WWOX: variants seen among roughly 807,000 people sequenced by gnomAD.
WWOX encodes the protein WW domain containing oxidoreductase, also known as WW domain-containing oxidoreductase.
Under a neutral mutation model 46.2 loss-of-function variants are expected in WWOX, and 69 were observed. The observed-to-expected ratio is 1.49, with a 90% confidence interval of 1.23 to 1.82. The LOEUF is 1.82. Among genes scored for constraint, WWOX ranks in the 40% most tolerant of loss-of-function variants. The pLI, the probability that WWOX is intolerant of heterozygous loss-of-function variation, is 0.00. For synonymous variants in WWOX, 359 were observed against 202.6 expected (o/e 1.77, Z -6.56); for missense variants, 919 against 542.6 (o/e 1.69, Z -6.89).
At chr16:78,544,151 C>T (rs2043965642) in intron 8 of WWOX, among the ~76,000 whole-genome samples, 1 of 152,096 alleles carries the variant, frequency 6.6e-6, no homozygotes, top group Non-Finnish European at 1.5e-5. Flanking sequence ...AGCATAATCT[C>T]TTAATATTCA....
chr16:78,425,290 C>T (rs1488824737), intron 7 of WWOX, among the ~76,000 whole-genome samples: 1 of 152,106 alleles, frequency 6.6e-6, no homozygotes, highest in African/African-American at 2.4e-5. Context: ...ACTTCAAGCT[C>T]CTCATTGATT....
chr16:78,153,271 G>C (rs1314014009), intron 4 of WWOX, among the ~76,000 whole-genome samples: 3 of 152,172 alleles, frequency 2.0e-5, no homozygotes, highest in Non-Finnish European at 4.4e-5. Context: ...ACTTCATCTG[G>C]AAATGCCTGT....
chr16:78,234,387 GT>G (rs2037368980), intron 5 of WWOX, among the ~76,000 whole-genome samples: 1 of 152,046 alleles, frequency 6.6e-6, no homozygotes, highest in African/African-American at 2.4e-5. Context: ...ATACTTGAGG[GT>G]CATGAGAAGT....
intron 6 of WWOX, among the ~76,000 whole-genome samples, chr16:78,417,326 C>T (rs912115289): frequency 6.6e-6 from 1 of 151,926 alleles, no homozygotes; most frequent in African/African-American, 2.4e-5. Flanking sequence ...CCCCTGAGTC[C>T]AAAAGATGCT....
chr16:78,418,369 GAAA>G (rs60427100), intron 6 of WWOX, among the ~76,000 whole-genome samples: 119 of 127,634 alleles, frequency 9.3e-4, no homozygotes, highest in Admixed American at 1.6e-3. Context: ...CTCCATCTCA[GAAA>G]AAAAAAAAAA....
rs78263811 is a variant in WWOX at position 78,959,940 on chromosome 16, G to A, written c.1057-251668G>A. Among the ~76,000 whole-genome samples the A allele has an allele frequency of 4.9e-3, 750 of 152,304 alleles. 10 individuals are homozygous for A. The highest frequency in any genetic ancestry group is 0.017 in the African/African-American group (705 of 41,560). The stretch of plus-strand genomic sequence containing the variant: ...TAGATGACCTAAGTAATTCTCATTT[G>A]CAACCAAGGTTGAGAATAAAGGGTG... On this transcript the variant is annotated intron_variant, in intron 8 of 8. Transcript: ENST00000566780.
At chr16:78,874,016 C>T (rs1029229606) in intron 8 of WWOX, among the ~76,000 whole-genome samples, 5 of 151,816 alleles carry the variant, frequency 3.3e-5, no homozygotes, top group African/African-American at 7.3e-5. Context: ...AATCCCAGCA[C>T]TTTGGGAGGC....
intron 4 of WWOX, among the ~76,000 whole-genome samples, chr16:78,139,650 A>T (rs1324920110): frequency 2.0e-5 from 3 of 152,208 alleles, no homozygotes; most frequent in Non-Finnish European, 2.9e-5. Context: ...GTCTCTAAAT[A>T]CATAAATAAA....
At chr16:78,736,304 G>A (rs1275499400) in intron 8 of WWOX, among the ~76,000 whole-genome samples, 1 of 152,166 alleles carries the variant, frequency 6.6e-6, no homozygotes, top group Admixed American at 6.5e-5. Flanking sequence ...ATGGGGACCT[G>A]TATGTTGCCA....
At chr16:79,048,522 TA>T (rs1597323446) in intron 8 of WWOX, among the ~76,000 whole-genome samples, 2 of 152,228 alleles carry the variant, frequency 1.3e-5, no homozygotes, top group East Asian at 3.9e-4. Context: ...ATCATATATA[TA>T]TATAAAAATT....
intron 8 of WWOX, among the ~76,000 whole-genome samples, chr16:78,881,091 A>G (rs943457834): frequency 2.0e-5 from 3 of 150,556 alleles, no homozygotes. Flanking sequence ...TCCTGGGCGC[A>G]AGTGATCCTC....
chr16:78,628,684 C>T (rs752121642), intron 8 of WWOX, among the ~76,000 whole-genome samples: 11 of 152,150 alleles, frequency 7.2e-5, no homozygotes, highest in Middle Eastern at 3.4e-3. Context: ...TCACTCCGTG[C>T]TTTGTGAGTG....
At chr16:78,690,595 G>A (rs2047962752) in intron 8 of WWOX, among the ~76,000 whole-genome samples, 1 of 152,226 alleles carries the variant, frequency 6.6e-6, no homozygotes, top group South Asian at 2.1e-4. Context: ...ATGAAGACAT[G>A]AAAGCATTTG....
At chr16:78,816,952 C>G (rs952608612) in intron 8 of WWOX, among the ~76,000 whole-genome samples, 2 of 152,032 alleles carry the variant, frequency 1.3e-5, no homozygotes, top group African/African-American at 2.4e-5. Flanking sequence ...TAGACAGAAA[C>G]AAACAAGTAA....
intron 5 of WWOX, among the ~76,000 whole-genome samples, chr16:78,363,149 T>C (rs1432903867): frequency 6.6e-6 from 1 of 151,180 alleles, no homozygotes; most frequent in Non-Finnish European, 1.5e-5. Context: ...TATGTGTTTG[T>C]GTGTGTGTGT....
intron 8 of WWOX, among the ~76,000 whole-genome samples, chr16:79,207,823 A>T (rs894030029): frequency 3.9e-5 from 6 of 152,032 alleles, no homozygotes; most frequent in Admixed American, 2.6e-4. Flanking sequence ...TTTATCAGAA[A>T]CCTCTGTACC....
At chr16:78,785,560 G>T (rs1597606090) in intron 8 of WWOX, among the ~76,000 whole-genome samples, 1 of 147,504 alleles carries the variant, frequency 6.8e-6, no homozygotes, top group East Asian at 2.0e-4. Flanking sequence ...TTACAAATAA[G>T]AAGAAGAATA....
chr16:78,967,185 T>TA (rs2046377464), intron 8 of WWOX, among the ~76,000 whole-genome samples: 1 of 151,596 alleles, frequency 6.6e-6, no homozygotes, highest in Admixed American at 6.6e-5. Context: ...CCCTGAGAGA[T>TA]ACCTGGAAGG....
chr16:78,795,572 C>T (rs1312430782), intron 8 of WWOX, among the ~76,000 whole-genome samples: 2 of 152,226 alleles, frequency 1.3e-5, no homozygotes, highest in African/African-American at 4.8e-5. Context: ...TAATTTCTCA[C>T]ACAGATTTCT....
Sources: allele counts gnomAD v4.1 joint callset (sites outside exome capture counted in the v4.1 genomes callset), GRCh38; gene constraint gnomAD v4.1.1; transcripts MANE v1.5; gene names NCBI Gene and HGNC (gene_info 2026-07-23, HGNC 2026-07-21).